The following STK10 variants were observed in gnomAD, a reference collection of about 807,000 sequenced individuals.
The protein encoded by STK10 is serine/threonine-protein kinase 10.
STK10 carries 78 observed loss-of-function variants against 113.8 expected under a neutral mutation model. The observed-to-expected ratio is 0.69, with a 90% CI of 0.57 to 0.83. The LOEUF (loss-of-function observed/expected upper bound fraction) is 0.83, where lower values mean the gene tolerates loss of function less well. Ranked by LOEUF, STK10 falls within the 40% of genes least tolerant of loss-of-function variation. The pLI, the probability that STK10 is intolerant of heterozygous loss-of-function variation, is 0.00. For missense variants in STK10, 1,109 were observed against 1,280.1 expected (o/e 0.87, Z 2.04); for synonymous variants, 465 against 494.7 (o/e 0.94, Z 0.80).
chr5:172,139,081 C>T (rs568045839), intron 2 of STK10, among the ~76,000 whole-genome samples: 9 of 152,138 alleles, frequency 5.9e-5, no homozygotes, highest in African/African-American at 2.2e-4. Context: ...CTTTATGGAC[C>T]GGAAGACTTA....
In STK10 at chr5:172,081,769, C is replaced by T. The variant is rs961719398; in HGVS notation, c.1989+557G>A. ...GCGTTCCTGCCCTGGGGGCTTCCAG[C>T]CTGCTTGTCTCCTTCCTCCACAGAG... On this transcript the variant is annotated intron_variant, in intron 12 of 18. Coordinates refer to ENST00000176763, the MANE Select transcript of STK10 (RefSeq NM_005990.4). Among the ~76,000 whole-genome samples, 3 of 152,194 alleles carry T rather than the reference C, an allele frequency of 2.0e-5. No individual in the cohort carries two copies. In the East Asian group the frequency reaches 5.8e-4, roughly 29 times the overall value.
At chr5:172,097,364 C>T (rs761895597) in intron 7 of STK10, among the ~76,000 whole-genome samples, 125 of 152,186 alleles carry the variant, frequency 8.2e-4, no homozygotes, top group Admixed American at 3.3e-4. Context: ...CATATATATG[C>T]ACGCACCGTA....
chr5:172,106,890 G>C, intron 5 of STK10, 76 bp from the exon 6 acceptor site: 3 of 1,389,186 alleles, frequency 2.2e-6, no homozygotes, highest in Admixed American at 2.5e-5. Context: ...AGGGTCAAGG[G>C]CCACCACGAG....
chr5:172,106,401 C>CAAAAAA lies in STK10; in HGVS notation c.788+213_788+218dup, dbSNP rs368671444. 4.9e-3 allele frequency among the ~76,000 whole-genome samples: 261 copies of CAAAAAA among 53,254 alleles called. 6 individuals are homozygous for CAAAAAA. The highest frequency in any genetic ancestry group is 0.015 in the Middle Eastern group (1 of 68). 34.9% of individuals were successfully genotyped at this position (53,254 alleles called of 152,430 possible). On this transcript the variant is annotated intron_variant, in intron 6 of 18. Transcript: ENST00000176763. The stretch of plus-strand genomic sequence containing the variant: ...TGGGCAAAAGAGTGAGACCCTATCT[C>CAAAAAA]AAAAAAAAAAAAAAAAAGGAACACA...
intron 2 of STK10, among the ~76,000 whole-genome samples, chr5:172,137,785 C>A (rs1007951120): frequency 4.8e-5 from 7 of 145,848 alleles, no homozygotes; most frequent in Non-Finnish European, 4.5e-5. Flanking sequence ...CCCAGCTACT[C>A]GGGAGGCTGA....
intron 2 of STK10, among the ~76,000 whole-genome samples, chr5:172,153,328 T>G (rs578080428): frequency 0.02 from 2,623 of 131,066 alleles, 132 homozygotes; most frequent in African/African-American, 0.073. Flanking sequence ...AAGAAAGAAA[T>G]GTAAAATGAT....
chr5:172,081,912 G>A (rs1768438794), intron 12 of STK10, among the ~76,000 whole-genome samples: 1 of 152,132 alleles, frequency 6.6e-6, no homozygotes, highest in African/African-American at 2.4e-5. Context: ...ATGGGGAGGA[G>A]GAGGAGGCAG....
At chr5:172,070,350 GC>G (rs1406614644) in intron 12 of STK10, among the ~76,000 whole-genome samples, 3 of 151,354 alleles carry the variant, frequency 2.0e-5, no homozygotes, top group Admixed American at 1.3e-4. Flanking sequence ...AGATATGAGA[GC>G]CCCAAAACAT....
chr5:172,158,136 G>A (rs973151508), intron 1 of STK10, among the ~76,000 whole-genome samples: 1 of 152,190 alleles, frequency 6.6e-6, no homozygotes, highest in African/African-American at 2.4e-5. Flanking sequence ...AAGTGTTGGT[G>A]AGGACTGGAG....
intron 12 of STK10, among the ~76,000 whole-genome samples, chr5:172,074,360 C>T (rs1053946208): frequency 6.6e-6 from 1 of 152,180 alleles, no homozygotes; most frequent in Non-Finnish European, 1.5e-5. Flanking sequence ...ATCGGTGAAA[C>T]AGCAGAGAAT....
At chr5:172,060,732 G>T (rs553484799) in intron 14 of STK10, among the ~76,000 whole-genome samples, 1 of 152,348 alleles carries the variant, frequency 6.6e-6, no homozygotes, top group Non-Finnish European at 1.5e-5. Flanking sequence ...CTCATCTACA[G>T]AAATGGGGAT....
rs761341472 is a variant in STK10 at position 172,093,415 on chromosome 5, G to A, written c.1551C>T (p.Ile517=). 2.5e-6 allele frequency: 4 copies of A among 1,591,042 alleles called. No individual in the cohort carries two copies. The highest frequency in any genetic ancestry group is 2.2e-5 in the South Asian group (2 of 90,010). ...GTGGTGGCAGAGGCGGTGTTACCTT[G>A]ATGGACAGAGAGCCCATCTCTTTGT... ...SLNKEMGSLS[I]KDPKLYKKTL... is the part of the protein sequence containing the mutation. The change falls in exon 9 of 19, where the codon ATC becomes ATT. Residue 517 remains isoleucine, a synonymous_variant. Coordinates refer to ENST00000176763, the MANE Select transcript of STK10 (RefSeq NM_005990.4). This position sits in a 1 kb window ranked among gnomAD's most constrained non-coding sequence, Gnocchi z 4.1.
At chr5:172,083,233 G>C in intron 10 of STK10, 149 bp from the exon 11 acceptor site, 1 of 914,996 alleles carries the variant, frequency 1.1e-6, no homozygotes. Flanking sequence ...GGCTTCATTT[G>C]ATATTTATTG....
chr5:172,106,909 G>A (rs2113765010), intron 5 of STK10, 95 bp from the exon 6 acceptor site: 21 of 1,289,210 alleles, frequency 1.6e-5, no homozygotes, highest in East Asian at 2.5e-5. Flanking sequence ...AGCCACTGTC[G>A]GGGTTGGCAG....
At chr5:172,087,313 C>G (rs887930062) in intron 10 of STK10, among the ~76,000 whole-genome samples, 3 of 152,070 alleles carry the variant, frequency 2.0e-5, no homozygotes, top group African/African-American at 7.2e-5. Context: ...CTCACCCTGT[C>G]GCCCAGGCTG....
intron 1 of STK10, among the ~76,000 whole-genome samples, chr5:172,170,697 A>T (rs923157510): frequency 6.6e-6 from 1 of 152,224 alleles, no homozygotes; most frequent in Non-Finnish European, 1.5e-5. Context: ...CCTTGGCTGA[A>T]AACGGGAGCA....
intron 14 of STK10, among the ~76,000 whole-genome samples, chr5:172,058,463 GT>G (rs1254545085): frequency 6.6e-6 from 1 of 152,218 alleles, no homozygotes; most frequent in Non-Finnish European, 1.5e-5. Context: ...GATGAGGCCT[GT>G]TTTATAAATG....
intron 3 of STK10, among the ~76,000 whole-genome samples, chr5:172,119,248 T>G (rs1769451903): frequency 6.6e-6 from 1 of 151,576 alleles, no homozygotes; most frequent in Non-Finnish European, 1.5e-5. Flanking sequence ...AACAGACTTG[T>G]GTGGTGGGAG....
At chr5:172,182,474 C>T (rs1163876687) in intron 1 of STK10, among the ~76,000 whole-genome samples, 1 of 151,494 alleles carries the variant, frequency 6.6e-6, no homozygotes, top group Non-Finnish European at 1.5e-5. Flanking sequence ...ACCTCTGCCT[C>T]CCAGGCTCAA....
Sources: gnomAD v4.1 joint callset for allele counts (sites outside exome capture counted in the v4.1 genomes callset) on GRCh38, gnomAD v4.1.1 for gene constraint, Gnocchi (gnomAD v3.1) non-coding constraint, MANE v1.5 for transcripts, NCBI Gene and HGNC (gene_info 2026-07-23, HGNC 2026-07-21) for gene names.